Variants in COL6A1 observed in about 807,000 individuals in gnomAD.
The protein encoded by COL6A1 is collagen type VI alpha 1 chain, also known as collagen alpha-1(VI) chain.
A neutral mutation model predicts 145.6 loss-of-function variants in COL6A1; 80 were observed. The observed-to-expected ratio is 0.55, with a 90% CI of 0.46 to 0.66. The LOEUF (loss-of-function observed/expected upper bound fraction) is 0.66, where lower values mean the gene tolerates loss of function less well. COL6A1 is among the 30% of genes least tolerant of loss of function. The pLI is 0.00. For synonymous variants in COL6A1, 638 were observed against 622.8 expected, an observed-to-expected ratio of 1.02 and a Z score of -0.36; for missense variants, 1,364 against 1,473.8, an observed-to-expected ratio of 0.93 and a Z score of 1.22.
intron 8 of COL6A1, 53 bp from the exon 9 acceptor site, chr21:45,989,031 G>C: frequency 6.3e-7 from 1 of 1,596,986 alleles, no homozygotes; most frequent in Non-Finnish European, 8.5e-7. Flanking sequence ...TCGTGAGCCA[G>C]CTTTTTAGAA....
At chr21:45,992,249 A>T in intron 17 of COL6A1, 32 bp downstream of exon 17, 2 of 1,613,536 alleles carry the variant, frequency 1.2e-6, no homozygotes, top group Non-Finnish European at 1.7e-6. Context: ...CTTCCTGGGG[A>T]AGTGCATGGC....
chr21:45,988,918 G>T (rs368774471), intron 8 of COL6A1, among the ~76,000 whole-genome samples, 166 bp from the exon 9 acceptor site: 1 of 152,158 alleles, frequency 6.6e-6, no homozygotes, highest in African/African-American at 2.4e-5. Flanking sequence ...GCTGGCGTGC[G>T]GGTTGGAGCT....
chr21:46,002,726 C>G lies in COL6A1; in HGVS notation c.2434+16C>G, dbSNP rs2123491221. On this transcript the variant is annotated intron_variant, in intron 33 of 34. Coordinates refer to ENST00000361866, the MANE Select transcript of COL6A1 (RefSeq NM_001848.3). ...ATCTGCATAGGTGCGCATGGGGCCA[C>G]CCGGGCAGTCCCAGATCTGCGTAGG... 1.9e-6 allele frequency: 3 copies of G among 1,562,882 alleles called. No individual in the cohort carries two copies. Among genetic ancestry groups the G allele is most frequent in the Non-Finnish European group, 1.7e-6 (2 of 1,146,800 alleles).
chr21:45,994,155 G>T lies in COL6A1; in HGVS notation c.1336-12G>T, dbSNP rs746917431. The T allele has an allele frequency of 6.3e-7, 1 of 1,591,102 alleles. No homozygotes were observed. The highest frequency in any genetic ancestry group is 1.3e-5 in the African/African-American group (1 of 74,674). On this transcript the variant is annotated splice_polypyrimidine_tract_variant and intron_variant, in intron 19 of 34. Coordinates refer to ENST00000361866, the MANE Select transcript of COL6A1 (RefSeq NM_001848.3). This position sits in a 1 kb window ranked among gnomAD's most constrained non-coding sequence, Gnocchi z 6.8. The stretch of plus-strand genomic sequence containing the variant: ...TGGCCCAGCTCCACACTCACGGCTC[G>T]TTTCTCTTCAGGGTGAAGCTGGCCC...
chr21:45,990,902 G>C (rs1387056910), intron 14 of COL6A1, 76 bp downstream of exon 14: 3 of 1,609,022 alleles, frequency 1.9e-6, no homozygotes, highest in Non-Finnish European at 2.6e-6. Flanking sequence ...TTTGACTTCT[G>C]TCTGGGCGGT....
At chr21:45,986,450 C>T in intron 3 of COL6A1, 76 bp from the exon 4 acceptor site, 1 of 1,459,018 alleles carries the variant, frequency 6.9e-7, no homozygotes, top group East Asian at 2.5e-5. Flanking sequence ...GGGACCAGCA[C>T]CTCCCGGACA....
intron 19 of COL6A1, 71 bp downstream of exon 19, chr21:45,992,881 C>T (rs1169010102): frequency 2.2e-6 from 3 of 1,381,486 alleles, no homozygotes; most frequent in East Asian, 2.5e-5. Context: ...TGGGTCAGGC[C>T]TCCAGAGCCA....
chr21:46,002,481 G>T, intron 32 of COL6A1, 46 bp from the exon 33 acceptor site: 7 of 1,613,236 alleles, frequency 4.3e-6, no homozygotes, highest in Non-Finnish European at 5.9e-6. Flanking sequence ...CCAGAAAGAC[G>T]AGGGCAGAGC....
Position 46,003,583 on chromosome 21 carries a change from C to T in COL6A1, c.2657C>T (p.Pro886Leu). 6.2e-7 allele frequency: 1 copy of T among 1,612,734 alleles called. No homozygotes were observed. The highest frequency in any genetic ancestry group is 1.7e-5 in the Admixed American group (1 of 60,014). The change falls in exon 35 of 35, where the codon CCA (proline) becomes CTA (leucine). Residue 886 changes from proline to leucine, a missense_variant. By Grantham distance (98) the Pro-to-Leu change is moderately conservative. Coordinates refer to ENST00000361866, the MANE Select transcript of COL6A1 (RefSeq NM_001848.3). ...TACAGCGGCACGGGCCAGCAGCGCC[C>T]AGAGCGGGCGTCGCTGCAGTTCCTG... is the stretch of plus-strand genomic sequence containing the variant. Reference protein sequence around the residue: ...VQYSGTGQQRPERASLQFLQN... With the variant: ...VQYSGTGQQRLERASLQFLQN...
At position 45,990,306 on chromosome 21, in the gene COL6A1, G is replaced by C. The variant is rs369103301; in HGVS notation, c.957+22G>C. The C allele has an allele frequency of 2.3e-5, 37 of 1,612,676 alleles. No individual in the cohort carries two copies. The African/African-American group carries it at 2.5e-4, about 11-fold the overall frequency. ...CAAGGTGAGCGTGGGCTGCTGGGAG[G>C]GGGGAGTTCTGCCCCCACGGCAGCA... On this transcript the variant is annotated intron_variant, in intron 12 of 34. Transcript: ENST00000361866.
chr21:46,000,268 G>C, intron 27 of COL6A1, 63 bp from the exon 28 acceptor site: 2 of 1,600,302 alleles, frequency 1.2e-6, no homozygotes, highest in Non-Finnish European at 1.7e-6. Flanking sequence ...AGATCCAGCA[G>C]CCCACAGTCC....
At chr21:45,993,808 C>G (rs1371793807) in intron 19 of COL6A1, among the ~76,000 whole-genome samples, 1 of 152,194 alleles carries the variant, frequency 6.6e-6, no homozygotes, top group Non-Finnish European at 1.5e-5. Flanking sequence ...CAGGCAGAGC[C>G]CAGAGGAAGG....
chr21:45,983,898 A>AGACCC (rs1388130936), intron 2 of COL6A1, among the ~76,000 whole-genome samples: 8 of 152,150 alleles, frequency 5.3e-5, no homozygotes, highest in African/African-American at 1.2e-4. Flanking sequence ...GGGGCAGAGC[A>AGACCC]GACCCCTGAG....
At chr21:45,983,117 G>T (rs921616611) in intron 2 of COL6A1, among the ~76,000 whole-genome samples, 1 of 152,242 alleles carries the variant, frequency 6.6e-6, no homozygotes, top group Admixed American at 6.5e-5. Context: ...GCCCAGACAC[G>T]CAGTCCTGCC....
chr21:45,985,669 C>T (rs1358859471), intron 3 of COL6A1, among the ~76,000 whole-genome samples: 3 of 152,240 alleles, frequency 2.0e-5, no homozygotes, highest in African/African-American at 7.2e-5. Context: ...CTTCACGAGG[C>T]CTCAGGATCC....
chr21:46,004,064 A>C lies in COL6A1; in HGVS notation c.*51A>C. 1 of 1,600,586 alleles carries C rather than the reference A, an allele frequency of 6.2e-7. No individual in the cohort carries two copies. The highest frequency in any genetic ancestry group is 8.5e-7 in the Non-Finnish European group (1 of 1,172,570). On this transcript the variant is annotated 3_prime_UTR_variant, in exon 35 of 35. Transcript: ENST00000361866. ...CCTGTCCTCCCACCCCTCCCCACTC[A>C]TCACTAAACAGAGTAAAATGTGATG...
At position 45,989,748 on chromosome 21, in the gene COL6A1, G is replaced by A. The variant is rs370610690; in HGVS notation, c.904-4G>A. On this transcript the variant is annotated splice_region_variant and splice_polypyrimidine_tract_variant and intron_variant, in intron 10 of 34. Coordinates refer to ENST00000361866, the MANE Select transcript of COL6A1 (RefSeq NM_001848.3). ...CTCTTCCTCTTCTTCCGCTGGGTGT[G>A]TAGGGAGAAAAAGGGAGCCGTGGGG... is the stretch of plus-strand genomic sequence containing the variant. 8.7e-6 allele frequency: 14 copies of A among 1,612,930 alleles called. No individual in the cohort carries two copies. In the East Asian group the frequency reaches 1.8e-4, roughly 21 times the overall value.
rs182440627 is a variant in COL6A1, at chr21:45,990,763, C to G, written c.1003-10C>G. 3.1e-6 allele frequency: 5 copies of G among 1,613,208 alleles called. No individual in the cohort carries two copies. Among genetic ancestry groups the G allele is most frequent in the Non-Finnish European group, 4.2e-6 (5 of 1,179,812 alleles). ...GCCGTCAGATTTTCTAGTTTTCTTC[C>G]TCTTTCCAGGGGGAGATGGGGTACC... On this transcript the variant is annotated splice_polypyrimidine_tract_variant and intron_variant, in intron 13 of 34. Coordinates refer to ENST00000361866, the MANE Select transcript of COL6A1 (RefSeq NM_001848.3).
At chr21:45,996,966 G>C (rs1022806092) in intron 20 of COL6A1, among the ~76,000 whole-genome samples, 3 of 152,194 alleles carry the variant, frequency 2.0e-5, no homozygotes, top group African/African-American at 7.2e-5. Context: ...GCCCAAAGGG[G>C]ACCATGAGGG....
Sources: gnomAD v4.1 joint callset for allele counts (sites outside exome capture counted in the v4.1 genomes callset) on GRCh38, gnomAD v4.1.1 for gene constraint, Gnocchi (gnomAD v3.1) non-coding constraint, MANE v1.5 for transcripts, NCBI Gene and HGNC (gene_info 2026-07-23, HGNC 2026-07-21) for gene names.